TSC22D1: variants seen among roughly 807,000 people sequenced by gnomAD.
TSC22D1 encodes the protein TSC22 domain family member 1.
Under a neutral mutation model 74.2 loss-of-function variants are expected in TSC22D1, and 9 were observed. The observed-to-expected ratio is 0.12, with a 90% CI of 0.07 to 0.21. The LOEUF (loss-of-function observed/expected upper bound fraction) is 0.21. Among genes scored for constraint, TSC22D1 ranks in the 10% least tolerant of loss-of-function variants. The probability of loss-of-function intolerance (pLI) is 1.00; values close to 1 mark genes in which losing one functional copy is unlikely to be tolerated. For synonymous variants in TSC22D1, 586 were observed against 492.5 expected (o/e 1.19, Z -2.51); for missense variants, 1,427 against 1,304.7 (o/e 1.09, Z -1.44).
At chr13:44,448,891 C>T (rs1446028669) in intron 1 of TSC22D1, among the ~76,000 whole-genome samples, 4 of 46,004 alleles carry the variant, frequency 8.7e-5, no homozygotes, top group African/African-American at 2.9e-4. Context: ...AATTCTAGAT[C>T]CGTGTGTGTG....
intron 1 of TSC22D1, among the ~76,000 whole-genome samples, chr13:44,547,192 G>T (rs1881884075): frequency 6.6e-6 from 1 of 151,962 alleles, no homozygotes; most frequent in Non-Finnish European, 1.5e-5. Flanking sequence ...GAGAAATTAA[G>T]AAACATAAAT....
intron 1 of TSC22D1, among the ~76,000 whole-genome samples, chr13:44,447,994 C>G (rs1465112844): frequency 6.6e-6 from 1 of 151,888 alleles, no homozygotes; most frequent in African/African-American, 2.4e-5. Context: ...AAATAATAAG[C>G]ATTTCAAACC....
At chr13:44,446,150 C>T (rs1256198314) in intron 1 of TSC22D1, among the ~76,000 whole-genome samples, 1 of 152,184 alleles carries the variant, frequency 6.6e-6, no homozygotes, top group Non-Finnish European at 1.5e-5. Context: ...AACCATGGTA[C>T]ATCTAGACAA....
chr13:44,540,098 T>C (rs1043143983), intron 1 of TSC22D1: 1 of 392,146 alleles, frequency 2.6e-6, no homozygotes, highest in Non-Finnish European at 4.7e-6. Flanking sequence ...CCACAAATGA[T>C]TAATTCCTCA....
At chr13:44,503,385 C>T (rs1377083987) in intron 1 of TSC22D1, among the ~76,000 whole-genome samples, 1 of 151,376 alleles carries the variant, frequency 6.6e-6, no homozygotes, top group Non-Finnish European at 1.5e-5. Flanking sequence ...CTCCAGAAAT[C>T]TGTTGGGATT....
intron 1 of TSC22D1, among the ~76,000 whole-genome samples, chr13:44,510,715 C>T (rs1020944814): frequency 6.6e-6 from 1 of 152,098 alleles, no homozygotes; most frequent in African/African-American, 2.4e-5. Context: ...GCCTCAGCCT[C>T]CTGAGTAGCT....
chr13:44,452,797 G>A (rs1876249976), intron 1 of TSC22D1: 1 of 152,192 alleles, frequency 6.6e-6, no homozygotes, highest in Non-Finnish European at 1.5e-5. Context: ...AGACTAAATC[G>A]AGGCATTATT....
At chr13:44,510,531 T>G (rs750881618) in intron 1 of TSC22D1, among the ~76,000 whole-genome samples, 1 of 152,172 alleles carries the variant, frequency 6.6e-6, no homozygotes, top group African/African-American at 2.4e-5. Context: ...TTTATAAATA[T>G]AGTAGAAAAT....
At chr13:44,555,606 A>AAAATAAATAAATAAAT (rs200171817) in intron 1 of TSC22D1, among the ~76,000 whole-genome samples, 1 of 151,812 alleles carries the variant, frequency 6.6e-6, no homozygotes, top group African/African-American at 2.4e-5. Context: ...ACCCTGTCTA[A>AAAATAAATAAATAAAT]AAATAAATAA....
chr13:44,515,585 G>A, intron 1 of TSC22D1, among the ~76,000 whole-genome samples: 1 of 151,916 alleles, frequency 6.6e-6, no homozygotes, highest in East Asian at 1.9e-4. Context: ...TTACAGACAT[G>A]TGCCACCATA....
chr13:44,437,525 C>A (rs1874818900), intron 1 of TSC22D1, among the ~76,000 whole-genome samples: 1 of 151,972 alleles, frequency 6.6e-6, no homozygotes, highest in South Asian at 2.1e-4. Context: ...GGAAAGACTC[C>A]AGATAAAATC....
chr13:44,528,269 T>C (rs992622801), intron 1 of TSC22D1, among the ~76,000 whole-genome samples: 1 of 151,966 alleles, frequency 6.6e-6, no homozygotes, highest in Admixed American at 6.6e-5. Context: ...CACATAAATG[T>C]TCACCAAAAC....
chr13:44,434,666 G>C lies in TSC22D1; in HGVS notation c.3182C>G (p.Pro1061Arg). The C allele has an allele frequency of 6.3e-7, 1 of 1,597,864 alleles. No homozygotes were observed. The highest frequency in any genetic ancestry group is 8.5e-7 in the Non-Finnish European group (1 of 1,173,120). Reference sequence around the variant, plus strand: ...TGAGCCCTGCGATGCTGGCTGGGCGGGGGGCTGTGTGGTGCCCTGTGGCTG... The same window carrying C: ...TGAGCCCTGCGATGCTGGCTGGGCGCGGGGCTGTGTGGTGCCCTGTGGCTG... ...TTQPQGTTQPPAQPASQGSGP... is the reference protein window; with the variant it reads ...TTQPQGTTQPRAQPASQGSGP... Residue 1061 changes from proline (P) to arginine (R), a missense_variant, in exon 3 of 3, where the codon CCC becomes CGC. By Grantham distance (103) the Pro-to-Arg change is moderately radical. Transcript: ENST00000458659.
intron 1 of TSC22D1, chr13:44,436,427 G>T: frequency 3.3e-6 from 5 of 1,514,800 alleles, no homozygotes; most frequent in Non-Finnish European, 4.5e-6. Context: ...AAAGGAATTC[G>T]CCTGGCTATC....
intron 1 of TSC22D1, among the ~76,000 whole-genome samples, chr13:44,459,865 G>A (rs1240853830): frequency 6.6e-6 from 1 of 152,160 alleles, no homozygotes; most frequent in Admixed American, 6.5e-5. Flanking sequence ...CCCCAGGCTC[G>A]TTTCACACAC....
At chr13:44,539,318 AG>A in intron 1 of TSC22D1, 2 of 985,396 alleles carry the variant, frequency 2.0e-6, no homozygotes, top group Non-Finnish European at 2.4e-6. Flanking sequence ...CATTTGAGGT[AG>A]GAAGAAGACC....
Position 44,573,945 on chromosome 13 carries a change from G to C in TSC22D1, c.2130C>G (p.Val710=), listed in dbSNP as rs1883980178. ...CTGCCGGAGCCTGGCCAACAGGCTGGACAGATGCCCCTGCAGGTTGTGCTG... is the reference window on the plus strand; with the variant it reads ...CTGCCGGAGCCTGGCCAACAGGCTGCACAGATGCCCCTGCAGGTTGTGCTG... ...AVPAQPAGAS[V]QPVGQAPAAV... The change falls in exon 1 of 3, where the codon GTC becomes GTG. Residue 710 remains valine (V), a synonymous_variant. Coordinates refer to ENST00000458659, the MANE Select transcript of TSC22D1 (RefSeq NM_183422.4). The C allele has an allele frequency of 6.2e-7, 1 of 1,614,150 alleles. No homozygotes were observed. The highest frequency in any genetic ancestry group is 1.1e-5 in the South Asian group (1 of 91,078).
At chr13:44,569,981 G>T (rs1382267566) in intron 1 of TSC22D1, among the ~76,000 whole-genome samples, 1 of 152,118 alleles carries the variant, frequency 6.6e-6, no homozygotes, top group East Asian at 1.9e-4. Context: ...ATTAAAAAGT[G>T]CTAAGGAAAC....
chr13:44,453,155 T>A (rs937531720), intron 1 of TSC22D1, among the ~76,000 whole-genome samples: 2 of 152,380 alleles, frequency 1.3e-5, no homozygotes, highest in East Asian at 1.9e-4. Context: ...AAGATACCAG[T>A]GTCTCCCTTT....
Sources: gnomAD v4.1 joint callset for allele counts (sites outside exome capture counted in the v4.1 genomes callset) on GRCh38, gnomAD v4.1.1 for gene constraint, MANE v1.5 for transcripts, NCBI Gene and HGNC (gene_info 2026-07-23, HGNC 2026-07-21) for gene names.